The following RIMS2 variants were observed in gnomAD, a reference collection of about 807,000 sequenced individuals.
RIMS2 encodes regulating synaptic membrane exocytosis protein 2.
RIMS2 carries 59 observed loss-of-function variants against 174.4 expected under a neutral mutation model. The ratio of observed to expected loss-of-function variants is 0.34; its 90% CI spans 0.27 to 0.42. The LOEUF (loss-of-function observed/expected upper bound fraction) is 0.42, where lower values mean the gene tolerates loss of function less well. Among genes scored for constraint, RIMS2 ranks in the 10% least tolerant of loss-of-function variants. The pLI is 1.00. For synonymous variants in RIMS2, 606 were observed against 572.5 expected, an observed-to-expected ratio of 1.06 and a Z score of -0.84; for missense variants, 1,620 against 1,666.3, an observed-to-expected ratio of 0.97 and a Z score of 0.48.
At chr8:103,764,550 A>G (rs1433562135) in intron 2 of RIMS2, among the ~76,000 whole-genome samples, 2 of 152,174 alleles carry the variant, frequency 1.3e-5, no homozygotes, top group Non-Finnish European at 2.9e-5. Context: ...TGGGTTAGAT[A>G]TATTTCATGT....
rs904782692 is a variant in RIMS2 at position 103,723,808 on chromosome 8, G to A, written c.387+26512G>A. 2.6e-5 allele frequency among the ~76,000 whole-genome samples: 4 copies of A among 152,336 alleles called. No homozygotes were observed. The South Asian group carries it at 6.2e-4, about 24-fold the overall frequency. On this transcript the variant is annotated intron_variant, in intron 2 of 23. Coordinates refer to ENST00000504942, the Ensembl canonical transcript of RIMS2. ...GTCTAGCCCATAGCCTGAGGCCACA[G>A]AGCTGGCCCAGCACTGGAAAAGGAC...
chr8:104,136,159 G>T (rs921814742), intron 19 of RIMS2, among the ~76,000 whole-genome samples: 7 of 152,148 alleles, frequency 4.6e-5, no homozygotes, highest in African/African-American at 1.7e-4. Flanking sequence ...CCGTAAGTGT[G>T]TTCAGGTTAC....
chr8:104,131,256 TATAA>T (rs1188375750), intron 19 of RIMS2, among the ~76,000 whole-genome samples: 2 of 152,152 alleles, frequency 1.3e-5, no homozygotes, highest in African/African-American at 2.4e-5. Context: ...TTAATATTAC[TATAA>T]ATAATGATTG....
chr8:103,921,553 A>G (rs941950459), intron 9 of RIMS2, 119 bp from the exon 13 acceptor site: 38 of 605,248 alleles, frequency 6.3e-5, no homozygotes, highest in Non-Finnish European at 1.0e-4. Context: ...GAAATGGTCT[A>G]TATAATGACA....
intron 19 of RIMS2, among the ~76,000 whole-genome samples, chr8:104,058,429 T>C (rs919945805): frequency 6.6e-6 from 1 of 151,214 alleles, no homozygotes; most frequent in African/African-American, 2.4e-5. Context: ...TGTTTTTTTC[T>C]TGTAAATTTG....
At chr8:103,944,246 A>C (rs539641245) in intron 14 of RIMS2, among the ~76,000 whole-genome samples, 1 of 152,086 alleles carries the variant, frequency 6.6e-6, no homozygotes, top group African/African-American at 2.4e-5. Flanking sequence ...TTCAAATGTC[A>C]TTACGACATC....
chr8:104,157,315 G>T (rs2098730871), intron 19 of RIMS2, among the ~76,000 whole-genome samples: 1 of 152,040 alleles, frequency 6.6e-6, no homozygotes, highest in South Asian at 2.1e-4. Context: ...AACTAATTTA[G>T]CATTTCTTAA....
chr8:103,823,627 T>A (rs2098767532), intron 3 of RIMS2, among the ~76,000 whole-genome samples: 1 of 152,022 alleles, frequency 6.6e-6, no homozygotes, highest in South Asian at 2.1e-4. Context: ...GGTCAGAAAT[T>A]CTTAGTTTTT....
In RIMS2 at chr8:103,697,239, T is replaced by C. The variant is rs369858119; in HGVS notation, c.330T>C (p.Tyr110=). Residue 110 remains tyrosine, a synonymous_variant, in exon 2 of 24, where the codon TAT becomes TAC. Transcript: ENST00000504942. Reference sequence around the variant, plus strand: ...ATGGATGTGGCCATAACTGTTCATATTGCCAAACAAAGTTCTGTGCTCGTT... The same window carrying C: ...ATGGATGTGGCCATAACTGTTCATACTGCCAAACAAAGTTCTGTGCTCGTT... The C allele has an allele frequency of 1.3e-4, 207 of 1,613,746 alleles. 1 individual carries two copies. Among genetic ancestry groups the C allele is most frequent in the Middle Eastern group, 4.9e-4 (3 of 6,078 alleles).
chr8:103,962,310 A>AT (rs1011746610), intron 15 of RIMS2, among the ~76,000 whole-genome samples: 1 of 151,858 alleles, frequency 6.6e-6, no homozygotes, highest in South Asian at 2.1e-4. Context: ...AAAGTTGTAT[A>AT]TTTTTTCATT....
In RIMS2 at chr8:104,166,129, T is replaced by G. The variant is rs936424977; in HGVS notation, c.3335-78787T>G. The stretch of plus-strand genomic sequence containing the variant: ...TCGCCCAGGCTGGAGTGCAGTGGCG[T>G]GATCTCGGCTCACTGCAAGCTCCGC... On this transcript the variant is annotated intron_variant, in intron 19 of 23. Transcript: ENST00000504942. 3.0e-4 allele frequency among the ~76,000 whole-genome samples: 44 copies of G among 146,748 alleles called. 1 individual carries two copies. The East Asian group carries it at 8.4e-3, about 28-fold the overall frequency.
chr8:103,963,177 G>A (rs1249174350), intron 15 of RIMS2, among the ~76,000 whole-genome samples: 1 of 151,716 alleles, frequency 6.6e-6, no homozygotes, highest in Non-Finnish European at 1.5e-5. Flanking sequence ...AATAATTTAA[G>A]GACCACCAGA....
chr8:103,989,504 A>C, intron 17 of RIMS2, 83 bp downstream of exon 19: 1 of 669,292 alleles, frequency 1.5e-6, no homozygotes, highest in South Asian at 2.4e-5. Flanking sequence ...ATATTTTCAC[A>C]TATTCCTTTT....
chr8:103,865,288 T>TC (rs1465661884), intron 3 of RIMS2, among the ~76,000 whole-genome samples: 6 of 144,752 alleles, frequency 4.1e-5, no homozygotes, highest in East Asian at 3.9e-4. Context: ...TTTTTTCTTT[T>TC]TTTTTTTTTT....
chr8:103,707,026 G>A (rs1285734199), intron 2 of RIMS2, among the ~76,000 whole-genome samples: 3 of 151,702 alleles, frequency 2.0e-5, no homozygotes, highest in Admixed American at 1.3e-4. Context: ...GCCTGTCTTC[G>A]AGTTACTGAT....
chr8:103,836,119 G>A (rs944196646), intron 3 of RIMS2, among the ~76,000 whole-genome samples: 7 of 152,174 alleles, frequency 4.6e-5, no homozygotes, highest in African/African-American at 1.7e-4. Flanking sequence ...TTGATTTAGG[G>A]TTGTAGTGAG....
chr8:103,598,657 T>C (rs369134975), intron 1 of RIMS2, among the ~76,000 whole-genome samples: 140 of 152,220 alleles, frequency 9.2e-4, no homozygotes, highest in African/African-American at 3.2e-3. Flanking sequence ...ACTTGCCCAA[T>C]TGGGGAGTGT....
intron 13 of RIMS2, 43 bp downstream of exon 15, chr8:103,936,765 T>G: frequency 7.2e-7 from 1 of 1,396,644 alleles, no homozygotes; most frequent in Non-Finnish European, 9.8e-7. Flanking sequence ...CATGTTATCC[T>G]GAATACTTTT....
At chr8:104,169,518 G>A (rs912519920) in intron 19 of RIMS2, among the ~76,000 whole-genome samples, 17 of 151,426 alleles carry the variant, frequency 1.1e-4, no homozygotes, top group Non-Finnish European at 2.1e-4. Flanking sequence ...CTGTGGTATC[G>A]GCTGTAATAT....
Sources: gnomAD v4.1 joint callset for allele counts (sites outside exome capture counted in the v4.1 genomes callset) on GRCh38, gnomAD v4.1.1 for gene constraint, MANE v1.5 for transcripts, NCBI Gene and HGNC (gene_info 2026-07-23, HGNC 2026-07-21) for gene names.